Variants in ELOVL6 observed in about 807,000 individuals in gnomAD.
ELOVL6 encodes ELOVL fatty acid elongase 6, also known as very long chain fatty acid elongase 6.
ELOVL6 carries 8 observed loss-of-function variants against 31.7 expected under a neutral mutation model. The observed-to-expected ratio is 0.25, with a 90% CI of 0.15 to 0.45. The LOEUF (loss-of-function observed/expected upper bound fraction) is 0.45. Ranked by LOEUF, ELOVL6 falls within the 20% of genes least tolerant of loss-of-function variation. The probability of loss-of-function intolerance (pLI) is 1.00; values close to 1 mark genes in which losing one functional copy is unlikely to be tolerated. For synonymous variants in ELOVL6, 101 were observed against 117.7 expected, an observed-to-expected ratio of 0.86 and a Z score of 0.92; for missense variants, 126 against 326.4, an observed-to-expected ratio of 0.39 and a Z score of 4.73.
intron 2 of ELOVL6, among the ~76,000 whole-genome samples, chr4:110,090,620 T>TTTTTTTTC (rs1756397937): frequency 6.7e-6 from 1 of 148,282 alleles, no homozygotes; most frequent in East Asian, 2.0e-4. Flanking sequence ...TTTTTTTTTT[T>TTTTTTTTC]CATGAGACGG....
intron 2 of ELOVL6, among the ~76,000 whole-genome samples, chr4:110,083,544 G>A (rs1755951297): frequency 6.6e-6 from 1 of 151,634 alleles, no homozygotes; most frequent in South Asian, 2.1e-4. Context: ...CTGACACAGA[G>A]ATAGTAATAA....
intron 1 of ELOVL6, among the ~76,000 whole-genome samples, chr4:110,192,563 C>G (rs1319041062): frequency 6.6e-6 from 1 of 152,170 alleles, no homozygotes; most frequent in Admixed American, 6.5e-5. Flanking sequence ...CTAATTATAA[C>G]TAGTACAAAT....
At chr4:110,148,482 G>A (rs557603018) in intron 1 of ELOVL6, among the ~76,000 whole-genome samples, 4 of 150,746 alleles carry the variant, frequency 2.7e-5, no homozygotes, top group Non-Finnish European at 4.4e-5. Flanking sequence ...AGGCCCAGAA[G>A]GGGGTTGTGC....
At chr4:110,167,088 A>G (rs1758799735) in intron 1 of ELOVL6, among the ~76,000 whole-genome samples, 1 of 152,186 alleles carries the variant, frequency 6.6e-6, no homozygotes, top group Non-Finnish European at 1.5e-5. Flanking sequence ...AGTAATCACC[A>G]GCTGACTTGA....
intron 1 of ELOVL6, among the ~76,000 whole-genome samples, chr4:110,170,211 C>T (rs1032640135): frequency 6.6e-6 from 1 of 152,140 alleles, no homozygotes; most frequent in Non-Finnish European, 1.5e-5. Flanking sequence ...GACAAGTTCT[C>T]TATATGAAAA....
intron 1 of ELOVL6, among the ~76,000 whole-genome samples, chr4:110,189,225 C>G (rs1578290811): frequency 6.6e-6 from 1 of 151,908 alleles, no homozygotes; most frequent in African/African-American, 2.4e-5. Flanking sequence ...TTTGAGATTA[C>G]AGTGAAGTAT....
intron 1 of ELOVL6, among the ~76,000 whole-genome samples, chr4:110,157,215 A>T (rs1037573308): frequency 1.3e-5 from 2 of 152,168 alleles, no homozygotes; most frequent in African/African-American, 4.8e-5. Flanking sequence ...TCCCTCTATA[A>T]TTTATTGCAA....
intron 1 of ELOVL6, among the ~76,000 whole-genome samples, chr4:110,164,192 G>T (rs1314208204): frequency 7.9e-5 from 12 of 152,052 alleles, no homozygotes; most frequent in African/African-American, 2.7e-4. Flanking sequence ...TTAGAAATGG[G>T]GGCCTAGGGA....
At chr4:110,133,535 G>A (rs1757727282) in intron 1 of ELOVL6, among the ~76,000 whole-genome samples, 1 of 152,180 alleles carries the variant, frequency 6.6e-6, no homozygotes, top group Admixed American at 6.5e-5. Flanking sequence ...GGGAAGATGA[G>A]GCTTGCGGAG....
intron 1 of ELOVL6, among the ~76,000 whole-genome samples, chr4:110,116,053 A>C (rs1006290675): frequency 3.3e-5 from 5 of 152,118 alleles, no homozygotes; most frequent in African/African-American, 2.4e-5. Context: ...TAATGGGCCC[A>C]CCAGATAATC....
chr4:110,169,550 T>C (rs1215059354), intron 1 of ELOVL6, among the ~76,000 whole-genome samples: 2 of 151,870 alleles, frequency 1.3e-5, no homozygotes, highest in African/African-American at 4.8e-5. Flanking sequence ...GCCAGCCCAA[T>C]AGAAGTCTTT....
chr4:110,169,962 A>G (rs933803069), intron 1 of ELOVL6, among the ~76,000 whole-genome samples: 1 of 150,736 alleles, frequency 6.6e-6, no homozygotes, highest in African/African-American at 2.5e-5. Flanking sequence ...GTGACACCAC[A>G]CCTGGCTAAT....
chr4:110,128,329 G>A (rs920418647), intron 1 of ELOVL6, among the ~76,000 whole-genome samples: 10 of 152,184 alleles, frequency 6.6e-5, no homozygotes, highest in Admixed American at 3.3e-4. Flanking sequence ...AGATCATGAG[G>A]ACTCTTATAG....
chr4:110,106,519 T>G (rs1477981647), intron 1 of ELOVL6, among the ~76,000 whole-genome samples: 1 of 152,168 alleles, frequency 6.6e-6, no homozygotes, highest in East Asian at 1.9e-4. Context: ...TACTGTACCA[T>G]GGCATTTGTG....
intron 1 of ELOVL6, among the ~76,000 whole-genome samples, chr4:110,167,879 T>G (rs1758825453): frequency 6.6e-6 from 1 of 152,104 alleles, no homozygotes; most frequent in Admixed American, 6.5e-5. Context: ...CCTATCTCCA[T>G]GATTAGGGCT....
chr4:110,159,694 T>C (rs1033267627), intron 1 of ELOVL6, among the ~76,000 whole-genome samples: 5 of 152,138 alleles, frequency 3.3e-5, no homozygotes, highest in Admixed American at 6.6e-5. Flanking sequence ...ACATGAGACG[T>C]TGGTGTTTCT....
intron 1 of ELOVL6, among the ~76,000 whole-genome samples, chr4:110,156,590 G>T (rs1446620542): frequency 1.3e-5 from 2 of 152,266 alleles, no homozygotes; most frequent in South Asian, 4.1e-4. Flanking sequence ...GAAGGCTGAG[G>T]TGGGAGGATC....
At chr4:110,183,695 G>A (rs1759362444) in intron 1 of ELOVL6, among the ~76,000 whole-genome samples, 1 of 151,124 alleles carries the variant, frequency 6.6e-6, no homozygotes, top group African/African-American at 2.4e-5. Flanking sequence ...TTCTACTTTA[G>A]AGAAGTCTTT....
chr4:110,179,960 C>G (rs1759222635), intron 1 of ELOVL6, among the ~76,000 whole-genome samples: 1 of 152,246 alleles, frequency 6.6e-6, no homozygotes. Context: ...CTCATCCCTC[C>G]AGCATTGCTG....
Sources: gnomAD v4.1 joint callset for allele counts (sites outside exome capture counted in the v4.1 genomes callset) on GRCh38, gnomAD v4.1.1 for gene constraint, MANE v1.5 for transcripts, NCBI Gene and HGNC (gene_info 2026-07-23, HGNC 2026-07-21) for gene names.